RDX: variants seen among roughly 807,000 people sequenced by gnomAD.
The protein encoded by RDX is deafness, autosomal recessive 24.
A neutral mutation model predicts 83.7 loss-of-function variants in RDX; 32 were observed. That is an observed-to-expected ratio of 0.38 (90% CI 0.29 to 0.51). The LOEUF (loss-of-function observed/expected upper bound fraction) is 0.51. Among genes scored for constraint, RDX ranks in the 20% least tolerant of loss-of-function variants. The pLI, the probability that RDX is intolerant of heterozygous loss-of-function variation, is 0.87. For synonymous variants in RDX, 229 were observed against 222.7 expected (o/e 1.03, Z -0.25); for missense variants, 600 against 689.9 (o/e 0.87, Z 1.46).
intron 14 of RDX, among the ~76,000 whole-genome samples, chr11:110,201,436 A>G (rs974153432): frequency 6.6e-6 from 1 of 152,182 alleles, no homozygotes; most frequent in Non-Finnish European, 1.5e-5. Flanking sequence ...ATAGAACTGA[A>G]GGAGAAAACT....
intron 12 of RDX, among the ~76,000 whole-genome samples, chr11:110,235,029 T>C (rs1864786177): frequency 6.6e-6 from 1 of 152,126 alleles, no homozygotes; most frequent in South Asian, 2.1e-4. Flanking sequence ...TAGACAACAG[T>C]GGTTTCATCT....
At chr11:110,217,008 A>T (rs562093163) in intron 14 of RDX, among the ~76,000 whole-genome samples, 2 of 152,204 alleles carry the variant, frequency 1.3e-5, no homozygotes, top group Non-Finnish European at 2.9e-5. Flanking sequence ...CTCTTTGGAC[A>T]GAGCAGGAGA....
intron 5 of RDX, among the ~76,000 whole-genome samples, chr11:110,259,635 T>C (rs1859721145): frequency 6.6e-6 from 1 of 152,192 alleles, no homozygotes; most frequent in Admixed American, 6.5e-5. Flanking sequence ...AAGAGTTTCA[T>C]CTTCCTTCTG....
intron 14 of RDX, among the ~76,000 whole-genome samples, chr11:110,217,830 G>T (rs577535636): frequency 7.3e-5 from 11 of 150,700 alleles, no homozygotes; most frequent in African/African-American, 2.4e-4. Context: ...GCAAGAGGTT[G>T]GTCACTACCT....
intron 3 of RDX, among the ~76,000 whole-genome samples, chr11:110,266,686 G>A (rs1488702796): frequency 1.3e-5 from 2 of 151,934 alleles, no homozygotes; most frequent in African/African-American, 4.8e-5. Flanking sequence ...TCCTGCCTCA[G>A]CCTCCTGAAT....
At chr11:110,282,537 T>C (rs909336845) in intron 1 of RDX, among the ~76,000 whole-genome samples, 1 of 152,188 alleles carries the variant, frequency 6.6e-6, no homozygotes, top group Non-Finnish European at 1.5e-5. Flanking sequence ...TATAAAAGTA[T>C]ATGTAAAACT....
intron 3 of RDX, among the ~76,000 whole-genome samples, chr11:110,266,507 CAGAA>C (rs1424233551): frequency 6.6e-6 from 1 of 150,686 alleles, no homozygotes; most frequent in Non-Finnish European, 1.5e-5. Context: ...AAAAGCTTTA[CAGAA>C]AGATTCAATA....
At chr11:110,266,994 C>G (rs1013865721) in intron 3 of RDX, among the ~76,000 whole-genome samples, 1 of 152,046 alleles carries the variant, frequency 6.6e-6, no homozygotes, top group African/African-American at 2.4e-5. Context: ...CACCCCCACC[C>G]CAGGCTCAAG....
At chr11:110,195,836 T>G (rs995783413) in intron 15 of RDX, 3 of 152,186 alleles carry the variant, frequency 2.0e-5, no homozygotes, top group African/African-American at 7.2e-5. Flanking sequence ...CCTTCCAGCA[T>G]GTTTGGGGGA....
chr11:110,241,133 TA>T (rs2134323402), intron 10 of RDX, among the ~76,000 whole-genome samples: 1 of 150,650 alleles, frequency 6.6e-6, no homozygotes, highest in South Asian at 2.1e-4. Flanking sequence ...TTTACCTCAA[TA>T]AAAAATAAAT....
chr11:110,250,397 T>C (rs1271457716), intron 9 of RDX, among the ~76,000 whole-genome samples: 1 of 152,208 alleles, frequency 6.6e-6, no homozygotes, highest in Non-Finnish European at 1.5e-5. Flanking sequence ...TCACATCCAG[T>C]TCTGCCACAG....
At chr11:110,183,864 A>C (rs61900202) in intron 15 of RDX, among the ~76,000 whole-genome samples, 4,547 of 152,304 alleles carry the variant, frequency 0.03, 94 homozygotes, top group Non-Finnish European at 0.048. Flanking sequence ...ACGCCAGCTG[A>C]AATGGCACCC....
chr11:110,286,179 T>C (rs939514191), intron 1 of RDX, among the ~76,000 whole-genome samples: 2 of 152,204 alleles, frequency 1.3e-5, no homozygotes, highest in African/African-American at 4.8e-5. Flanking sequence ...CCATACCTAC[T>C]TCTCCTAAAG....
At chr11:110,220,185 A>C (rs2134274475) in intron 14 of RDX, among the ~76,000 whole-genome samples, 1 of 152,334 alleles carries the variant, frequency 6.6e-6, no homozygotes, top group African/African-American at 2.4e-5. Flanking sequence ...AGGTAAACAA[A>C]ACATATTAAA....
Position 110,233,418 on chromosome 11 carries a change from G to C in RDX, c.1406C>G (p.Ala469Gly). ...TKEELKTVMS[A>G]PPPPPPPPVI... The stretch of plus-strand genomic sequence containing the variant: ...TGGTGGTGGTGGAGGTGGAGGGGGG[G>C]CAGACATCACAGTTTTTAACTCTTC... The change falls in exon 13 of 14, where the codon GCC (alanine) becomes GGC (glycine). Residue 469 changes from alanine to glycine, a missense_variant. Physicochemically the swap from Ala to Gly is moderately conservative, Grantham distance 60 (BLOSUM62 0). Coordinates refer to ENST00000645495, the MANE Select transcript of RDX (RefSeq NM_002906.4). The C allele has an allele frequency of 6.2e-7, 1 of 1,613,902 alleles. No homozygotes were observed. The highest frequency in any genetic ancestry group is 1.7e-5 in the Admixed American group (1 of 60,004).
intron 12 of RDX, 53 bp from the exon 13 acceptor site, chr11:110,233,532 A>G (rs1195758942): frequency 1.6e-5 from 25 of 1,591,446 alleles, no homozygotes; most frequent in Non-Finnish European, 2.1e-5. Flanking sequence ...TTAATAATCA[A>G]AACAATCAAG....
intron 1 of RDX, among the ~76,000 whole-genome samples, chr11:110,282,483 A>G (rs1860802674): frequency 6.6e-6 from 1 of 152,212 alleles, no homozygotes; most frequent in African/African-American, 2.4e-5. Context: ...ATTAACAAAT[A>G]TGTATAATGA....
intron 15 of RDX, among the ~76,000 whole-genome samples, chr11:110,178,962 G>A (rs1862829382): frequency 1.3e-5 from 2 of 152,156 alleles, no homozygotes; most frequent in Non-Finnish European, 2.9e-5. Flanking sequence ...GTTACACCAA[G>A]CAACTAAAGA....
At chr11:110,240,540 G>A (rs922638716) in intron 10 of RDX, among the ~76,000 whole-genome samples, 1 of 149,978 alleles carries the variant, frequency 6.7e-6, no homozygotes, top group Admixed American at 6.7e-5. Context: ...TCAGGAGATC[G>A]AGACCATCCT....
Sources: gnomAD v4.1 joint callset for allele counts (sites outside exome capture counted in the v4.1 genomes callset) on GRCh38, gnomAD v4.1.1 for gene constraint, MANE v1.5 for transcripts, NCBI Gene and HGNC (gene_info 2026-07-23, HGNC 2026-07-21) for gene names.